Variants in CLNK observed in about 807,000 individuals in gnomAD.
CLNK encodes cytokine-dependent hematopoietic cell linker.
A neutral mutation model predicts 68.6 loss-of-function variants in CLNK; 74 were observed. The ratio of observed to expected loss-of-function variants is 1.08; its 90% CI spans 0.89 to 1.31. The LOEUF (loss-of-function observed/expected upper bound fraction) is 1.31. Among genes scored for constraint, CLNK ranks in the 50% most tolerant of loss-of-function variants. CLNK has a pLI of 0.00. For synonymous variants in CLNK, 198 were observed against 172.2 expected (o/e 1.15, Z -1.17); for missense variants, 553 against 515.3 (o/e 1.07, Z -0.71).
At chr4:10,642,968 C>T (rs1723367516) in intron 2 of CLNK, among the ~76,000 whole-genome samples, 2 of 152,174 alleles carry the variant, frequency 1.3e-5, no homozygotes, top group Admixed American at 1.3e-4. Context: ...ATGACAGATG[C>T]ATCTACCTAG....
intron 2 of CLNK, among the ~76,000 whole-genome samples, chr4:10,650,403 C>A (rs545699628): frequency 6.6e-6 from 1 of 151,936 alleles, no homozygotes; most frequent in Admixed American, 6.6e-5. Flanking sequence ...GGATATCCAA[C>A]GTATCCAAAG....
chr4:10,648,287 T>C (rs952789942), intron 2 of CLNK, among the ~76,000 whole-genome samples: 1 of 152,198 alleles, frequency 6.6e-6, no homozygotes, highest in Non-Finnish European at 1.5e-5. Context: ...ATGTAATAGA[T>C]GAAACTGACC....
chr4:10,533,423 G>A (rs1254749561), intron 11 of CLNK, among the ~76,000 whole-genome samples: 1 of 152,152 alleles, frequency 6.6e-6, no homozygotes, highest in African/African-American at 2.4e-5. Flanking sequence ...GAAGAATATG[G>A]GAGTATTAAG....
In CLNK at chr4:10,490,458, A is replaced by G. The variant is rs1212421889; in HGVS notation, c.*9T>C. ...AATCCAGTAAACCAAAGATAACACAAAGACCAGGCTACAGAGGCAAGAGGT... is the reference window on the plus strand; with the variant it reads ...AATCCAGTAAACCAAAGATAACACAGAGACCAGGCTACAGAGGCAAGAGGT... On this transcript the variant is annotated 3_prime_UTR_variant, in exon 19 of 19. Coordinates refer to ENST00000226951, the MANE Select transcript of CLNK (RefSeq NM_052964.4). The G allele has an allele frequency of 6.2e-7, 1 of 1,611,720 alleles. No individual in the cohort carries two copies. The highest frequency in any genetic ancestry group is 8.5e-7 in the Non-Finnish European group (1 of 1,179,232).
chr4:10,601,294 A>G (rs1192418127), intron 2 of CLNK, among the ~76,000 whole-genome samples: 1 of 152,204 alleles, frequency 6.6e-6, no homozygotes, highest in Non-Finnish European at 1.5e-5. Flanking sequence ...CACACCAGCG[A>G]GAAGGAAAGC....
chr4:10,504,975 G>A (rs6833095), intron 17 of CLNK, among the ~76,000 whole-genome samples: 67,794 of 152,136 alleles, frequency 0.45, 17,828 homozygotes, highest in Non-Finnish European at 0.59. Context: ...TTTGCTGAGC[G>A]CCCAAATGCT....
chr4:10,560,118 T>C (rs1719829669), intron 7 of CLNK, among the ~76,000 whole-genome samples: 1 of 152,318 alleles, frequency 6.6e-6, no homozygotes, highest in Middle Eastern at 3.4e-3. Flanking sequence ...ACCCCTCCAA[T>C]GGCACTGGCT....
intron 11 of CLNK, among the ~76,000 whole-genome samples, chr4:10,537,646 T>TTC (rs1560206808): frequency 5.2e-4 from 27 of 52,304 alleles, no homozygotes; most frequent in Admixed American, 4.0e-3. Context: ...TCTCTTTCTT[T>TTC]CTTTCTTTCT....
rs560047998 is a variant in CLNK at position 10,677,289 on chromosome 4, T to G, written c.-43+7379A>C. Among the ~76,000 whole-genome samples the G allele has an allele frequency of 1.6e-3, 249 of 152,160 alleles. 1 individual carries two copies. The highest frequency in any genetic ancestry group is 5.7e-3 in the African/African-American group (237 of 41,494). On this transcript the variant is annotated intron_variant, in intron 1 of 18. Coordinates refer to ENST00000226951, the MANE Select transcript of CLNK (RefSeq NM_052964.4). ...GTCTAAAGGCTAATGGCAAAAACAC[T>G]GTAATTTTTTTCAACATTCATTTAT...
At chr4:10,623,811 A>T (rs1045348681) in intron 2 of CLNK, among the ~76,000 whole-genome samples, 1 of 152,238 alleles carries the variant, frequency 6.6e-6, no homozygotes. Flanking sequence ...TACATTTGCT[A>T]CAGAAGGAGA....
chr4:10,544,452 C>T (rs1379417916), intron 8 of CLNK, among the ~76,000 whole-genome samples: 2 of 152,126 alleles, frequency 1.3e-5, no homozygotes, highest in Non-Finnish European at 2.9e-5. Flanking sequence ...TTAGGAGATA[C>T]ATAAACAAAA....
chr4:10,693,413 T>C, the CLNK span, among the ~76,000 whole-genome samples: 1 of 152,194 alleles, frequency 6.6e-6, no homozygotes, highest in Non-Finnish European at 1.5e-5. Flanking sequence ...GAACCCCATT[T>C]GAAGAAACAG....
chr4:10,565,713 A>G (rs967491466), intron 6 of CLNK, among the ~76,000 whole-genome samples: 2 of 152,136 alleles, frequency 1.3e-5, no homozygotes, highest in Non-Finnish European at 2.9e-5. Context: ...TCGTGATAAT[A>G]ACAGCTGAGA....
intron 14 of CLNK, among the ~76,000 whole-genome samples, chr4:10,523,067 G>C (rs1718146383): frequency 6.6e-6 from 1 of 152,190 alleles, no homozygotes; most frequent in Non-Finnish European, 1.5e-5. Flanking sequence ...CCAGGTAAAA[G>C]TTGATAGTGG....
chr4:10,657,453 T>C (rs1392595192), intron 2 of CLNK, among the ~76,000 whole-genome samples: 1 of 152,202 alleles, frequency 6.6e-6, no homozygotes, highest in South Asian at 2.1e-4. Flanking sequence ...TTATAAGTAT[T>C]CCTTTGTATC....
chr4:10,573,836 G>A (rs901679042), intron 4 of CLNK, among the ~76,000 whole-genome samples: 1 of 151,988 alleles, frequency 6.6e-6, no homozygotes, highest in African/African-American at 2.4e-5. Flanking sequence ...TGTGTCTGTG[G>A]GTACAGACCC....
intron 2 of CLNK, among the ~76,000 whole-genome samples, chr4:10,642,397 T>C (rs1355927709): frequency 6.6e-6 from 1 of 152,178 alleles, no homozygotes; most frequent in Non-Finnish European, 1.5e-5. Context: ...GGATGTTCCT[T>C]GAGGTTCAGA....
intron 18 of CLNK, among the ~76,000 whole-genome samples, chr4:10,498,807 T>C (rs17467273): frequency 0.28 from 42,212 of 152,164 alleles, 6,905 homozygotes; most frequent in Non-Finnish European, 0.38. Context: ...AGCACTTTCT[T>C]AATGTGGTTG....
intron 18 of CLNK, among the ~76,000 whole-genome samples, chr4:10,498,374 C>T (rs899898029): frequency 3.3e-5 from 5 of 152,152 alleles, no homozygotes; most frequent in Admixed American, 3.3e-4. Flanking sequence ...CGCCTGTAGT[C>T]CCCGCTACTC....
Sources: allele counts gnomAD v4.1 joint callset (sites outside exome capture counted in the v4.1 genomes callset), GRCh38; gene constraint gnomAD v4.1.1; transcripts MANE v1.5; gene names NCBI Gene and HGNC (gene_info 2026-07-23, HGNC 2026-07-21).